COL4A3: variants seen among roughly 807,000 people sequenced by gnomAD.
COL4A3 encodes collagen alpha-3(IV) chain.
A neutral mutation model predicts 217.4 loss-of-function variants in COL4A3; 135 were observed. The observed-to-expected ratio is 0.62, with a 90% CI of 0.54 to 0.72. The LOEUF (loss-of-function observed/expected upper bound fraction) is 0.72. Among genes scored for constraint, COL4A3 ranks in the 30% least tolerant of loss-of-function variants. The pLI, the probability that COL4A3 is intolerant of heterozygous loss-of-function variation, is 0.00. For synonymous variants in COL4A3, 690 were observed against 736.3 expected (o/e 0.94, Z 1.02); for missense variants, 1,868 against 2,119.9 (o/e 0.88, Z 2.33).
intron 28 of COL4A3, 181 bp from the exon 29 acceptor site, chr2:227,279,612 A>C (rs1342426326): frequency 1.2e-5 from 7 of 577,802 alleles, no homozygotes; most frequent in South Asian, 2.4e-5. Context: ...TATTTTTTCA[A>C]ATAGGAACCA....
chr2:227,270,832 T>C lies in COL4A3; in HGVS notation c.1638T>C (p.Pro546=), dbSNP rs777666649. ...GAGAAAAAGGTGAAACACTTCAGCCTGAGGGGCAAGTGGGTGTCCCAGGTG... is the reference window on the plus strand; with the variant it reads ...GAGAAAAAGGTGAAACACTTCAGCCCGAGGGGCAAGTGGGTGTCCCAGGTG... ...LKGEKGETLQ[P]EGQVGVPGDP... The change falls in exon 25 of 52, where the codon CCT becomes CCC. Residue 546 remains proline, a synonymous_variant. Coordinates refer to ENST00000396578, the MANE Select transcript of COL4A3 (RefSeq NM_000091.5). The C allele has an allele frequency of 2.5e-6, 4 of 1,614,164 alleles. No individual in the cohort carries two copies. Among genetic ancestry groups the C allele is most frequent in the Non-Finnish European group, 3.4e-6 (4 of 1,180,020 alleles).
Position 227,314,022 on chromosome 2 carries a change from T to A in COL4A3, c.*2152T>A, listed in dbSNP as rs1053530011. The A allele has an allele frequency of 1.3e-5, 2 of 152,612 alleles. No individual in the cohort carries two copies. The highest frequency in any genetic ancestry group is 4.1e-4 in the South Asian group (2 of 4,826). The allele number at this position is 152,612 out of a possible 1,614,324, so 9.5% of individuals were successfully genotyped here. Reference sequence around the variant, plus strand: ...GTACTCTAAATACTGAGAAAACCTGTTCTAGACAAATACCCAAGCAACAAC... The same window carrying A: ...GTACTCTAAATACTGAGAAAACCTGATCTAGACAAATACCCAAGCAACAAC... On this transcript the variant is annotated 3_prime_UTR_variant, in exon 52 of 52. Coordinates refer to ENST00000396578, the MANE Select transcript of COL4A3 (RefSeq NM_000091.5).
chr2:227,240,502 T>C (rs2068960098), intron 3 of COL4A3, among the ~76,000 whole-genome samples: 1 of 152,216 alleles, frequency 6.6e-6, no homozygotes, highest in Non-Finnish European at 1.5e-5. Flanking sequence ...TTCCTACCTC[T>C]ATTCCTCCTA....
At chr2:227,294,681 C>T in intron 39 of COL4A3, 111 bp downstream of exon 39, 1 of 857,330 alleles carries the variant, frequency 1.2e-6, no homozygotes, top group Non-Finnish European at 1.9e-6. Flanking sequence ...CCTAGTTACT[C>T]AGTATCCAGA....
intron 1 of COL4A3, chr2:227,237,752 G>C: frequency 2.2e-6 from 1 of 462,704 alleles, no homozygotes; most frequent in Non-Finnish European, 4.1e-6. Context: ...ATTCTTATCC[G>C]ACATTTCTCC....
rs4675160 is a variant in COL4A3, at chr2:227,251,602, C to G, written c.645+231C>G. ...TCAATTTATAAGAAGCTACTTATCA[C>G]GAAAAAAGGCAAGGATTCTTAATCC... On this transcript the variant is annotated intron_variant, in intron 11 of 51. Transcript: ENST00000396578. 0.78 allele frequency among the ~76,000 whole-genome samples: 118,598 copies of G among 152,122 alleles called. 46,886 individuals are homozygous for G. Among genetic ancestry groups the G allele is most frequent in the East Asian group, 0.91 (4,689 of 5,174 alleles).
intron 17 of COL4A3, among the ~76,000 whole-genome samples, chr2:227,257,043 A>G (rs970373382): frequency 9.2e-5 from 14 of 152,262 alleles, no homozygotes; most frequent in African/African-American, 2.7e-4. Flanking sequence ...GTATCTAAAC[A>G]TAGAAAATAT....
chr2:227,254,071 T>C, intron 13 of COL4A3, 41 bp from the exon 14 acceptor site: 1 of 1,566,562 alleles, frequency 6.4e-7, no homozygotes, highest in Non-Finnish European at 8.8e-7. Context: ...TGAAATCTCA[T>C]TTCATCCATT....
At chr2:227,214,507 C>T (rs1431506388) in intron 1 of COL4A3, among the ~76,000 whole-genome samples, 2 of 152,198 alleles carry the variant, frequency 1.3e-5, no homozygotes, top group Admixed American at 6.5e-5. Flanking sequence ...AGCATCATAA[C>T]CTTTTCTATA....
chr2:227,297,306 T>C lies in COL4A3; in HGVS notation c.3566-368T>C, dbSNP rs987265953. On this transcript the variant is annotated intron_variant, in intron 41 of 51. Transcript: ENST00000396578. ...GCTGATAATAACTGGCTTATATTTA[T>C]ATAACACTTTAGAGCTTACACCATG... Among the ~76,000 whole-genome samples, 13 of 152,368 alleles carry C rather than the reference T, an allele frequency of 8.5e-5. No individual in the cohort carries two copies. In the East Asian group the frequency reaches 2.5e-3, roughly 29 times the overall value.
In COL4A3 at chr2:227,312,951, T is replaced by G. The variant is rs887686123; in HGVS notation, c.*1081T>G. On this transcript the variant is annotated 3_prime_UTR_variant, in exon 52 of 52. Coordinates refer to ENST00000396578, the MANE Select transcript of COL4A3 (RefSeq NM_000091.5). ...TAAAAAAAAAAAAAAGCAACACTTT[T>G]TATGTTATATGTTGTTCTTACAAAC... The G allele has an allele frequency of 3.3e-5, 5 of 152,694 alleles. No homozygotes were observed. Among genetic ancestry groups the G allele is most frequent in the Admixed American group, 2.6e-4 (4 of 15,296 alleles). 9.5% of individuals were successfully genotyped at this position (152,694 alleles called of 1,614,324 possible). A position where few individuals can be genotyped will look rare whatever the true frequency, so the allele number is the denominator to read the frequency against.
chr2:227,288,267 T>C (rs529752291), intron 34 of COL4A3, among the ~76,000 whole-genome samples: 1 of 152,144 alleles, frequency 6.6e-6, no homozygotes, highest in Non-Finnish European at 1.5e-5. Context: ...AGCTACTTTT[T>C]ATATTTTTTA....
At chr2:227,210,153 T>A (rs1043209968) in intron 1 of COL4A3, among the ~76,000 whole-genome samples, 2 of 152,238 alleles carry the variant, frequency 1.3e-5, no homozygotes, top group African/African-American at 4.8e-5. Flanking sequence ...AAACCTTAAC[T>A]GATGTTAAAT....
chr2:227,310,794 G>A lies in COL4A3; in HGVS notation c.4774G>A (p.Glu1592Lys), dbSNP rs774573040. The change falls in exon 51 of 52, where the codon GAG becomes AAG. Residue 1592 changes from glutamate (E) to lysine (K), a missense_variant. This residue lies in a region of COL4A3 where 1,503 missense variants were observed against 1,786.1 expected (regional missense o/e 0.84). Coordinates refer to ENST00000396578, the MANE Select transcript of COL4A3 (RefSeq NM_000091.5). ...GTGGTAGTTCACAAGTGCAGGTTCT[G>A]AGGGCACCGGGCAAGCACTGGCCTC... ...SFIMFTSAGS[E>K]GTGQALASPG... 6 of 1,614,072 alleles carry A rather than the reference G, an allele frequency of 3.7e-6. No individual in the cohort carries two copies. In the African/African-American group the frequency reaches 6.7e-5, roughly 18 times the overall value.
At chr2:227,301,895 T>A (rs992425371) in intron 43 of COL4A3, 2 of 152,238 alleles carry the variant, frequency 1.3e-5, no homozygotes, top group African/African-American at 4.8e-5. Flanking sequence ...ATCCAAGCAA[T>A]CAGATGGTTC....
At chr2:227,179,454 A>T (rs535182697) in intron 1 of COL4A3, among the ~76,000 whole-genome samples, 12 of 152,372 alleles carry the variant, frequency 7.9e-5, no homozygotes, top group African/African-American at 2.9e-4. Context: ...AAAATAGTTT[A>T]ACCTACTTCC....
intron 9 of COL4A3, among the ~76,000 whole-genome samples, chr2:227,248,898 AAAT>A (rs2125917353): frequency 6.6e-6 from 1 of 152,240 alleles, no homozygotes; most frequent in African/African-American, 2.4e-5. Context: ...CTGTAATTTT[AAAT>A]AACAGCCCTA....
chr2:227,284,150 T>G (rs1256184921), intron 33 of COL4A3, 61 bp from the exon 34 acceptor site: 1 of 1,611,354 alleles, frequency 6.2e-7, no homozygotes, highest in Non-Finnish European at 8.5e-7. Context: ...CTGCCAACTT[T>G]TTAATCCCTA....
At chr2:227,166,551 C>T (rs969790064) in intron 1 of COL4A3, among the ~76,000 whole-genome samples, 1 of 152,194 alleles carries the variant, frequency 6.6e-6, no homozygotes, top group African/African-American at 2.4e-5. Flanking sequence ...ATACCATTTT[C>T]AATTCTGTTG....
Sources: allele counts gnomAD v4.1 joint callset (sites outside exome capture counted in the v4.1 genomes callset), GRCh38; gene constraint gnomAD v4.1.1; regional missense constraint gnomAD v4.1.1; transcripts MANE v1.5; gene names NCBI Gene and HGNC (gene_info 2026-07-23, HGNC 2026-07-21).